MAPK14: variants seen among roughly 807,000 people sequenced by gnomAD.
MAPK14 encodes CSAID-binding protein.
In MAPK14, 16 loss-of-function variants were observed where a neutral mutation model predicts 49.6. That is an observed-to-expected ratio of 0.32 (90% confidence interval 0.22 to 0.49). The LOEUF (loss-of-function observed/expected upper bound fraction) is 0.49. Ranked by LOEUF, MAPK14 falls within the 20% of genes least tolerant of loss-of-function variation. The pLI is 0.99. For missense variants in MAPK14, 200 were observed against 441.2 expected, an observed-to-expected ratio of 0.45 and a Z score of 4.90; for synonymous variants, 142 against 158.0, an observed-to-expected ratio of 0.90 and a Z score of 0.76.
rs200413703 is a variant in MAPK14, at chr6:36,108,578, G to A, written c.*131G>A. The A allele has an allele frequency of 4.7e-5, 32 of 674,932 alleles. 1 individual carries two copies. The highest frequency in any genetic ancestry group is 2.0e-4 in the Admixed American group (9 of 45,540). The allele number at this position is 674,932 out of a possible 1,614,324, so 41.8% of individuals were successfully genotyped here. On this transcript the variant is annotated 3_prime_UTR_variant, in exon 12 of 12. Transcript: ENST00000229794. ...CCATGGTGGAAGGGGGTGTGCGTGC[G>A]TGTGCGTGCGTGTTAGTGTGTGTGC...
chr6:36,108,565 G>GGGGTGTGCGT lies in MAPK14; in HGVS notation c.*120_*129dup. 2 of 826,692 alleles carry GGGGTGTGCGT rather than the reference G, an allele frequency of 2.4e-6. No homozygotes were observed. Among genetic ancestry groups the GGGGTGTGCGT allele is most frequent in the South Asian group, 2.8e-5 (2 of 71,634 alleles). The allele number at this position is 826,692 out of a possible 1,614,324, so 51.2% of individuals were successfully genotyped here. A position where few individuals can be genotyped will look rare whatever the true frequency, so the allele number is the denominator to read the frequency against. ...GCAGAGATTTCCTCCATGGTGGAAG[G>GGGGTGTGCGT]GGGTGTGCGTGCGTGTGCGTGCGTG... On this transcript the variant is annotated 3_prime_UTR_variant, in exon 12 of 12. Coordinates refer to ENST00000229794, the MANE Select transcript of MAPK14 (RefSeq NM_139012.3).
chr6:36,035,204 T>C (rs1000693783), intron 1 of MAPK14, among the ~76,000 whole-genome samples: 1 of 152,078 alleles, frequency 6.6e-6, no homozygotes, highest in Non-Finnish European at 1.5e-5. Flanking sequence ...GCAGTTCTGC[T>C]GGGATTACAG....
At chr6:36,097,634 TC>T (rs1765488806) in intron 9 of MAPK14, 1 of 152,178 alleles carries the variant, frequency 6.6e-6, no homozygotes, top group South Asian at 2.1e-4. Flanking sequence ...AGTCTTCTCT[TC>T]CATCCCAACC....
chr6:36,087,853 C>A (rs1336112744), intron 8 of MAPK14, among the ~76,000 whole-genome samples: 1 of 152,056 alleles, frequency 6.6e-6, no homozygotes, highest in Non-Finnish European at 1.5e-5. Flanking sequence ...AAAGAACAAA[C>A]CTGGAGGCAT....
chr6:36,068,435 A>G (rs1000818343), intron 3 of MAPK14, among the ~76,000 whole-genome samples: 4 of 152,174 alleles, frequency 2.6e-5, no homozygotes, highest in African/African-American at 4.8e-5. Context: ...TTTTATTTCT[A>G]AAGAAACACT....
the MAPK14 span, among the ~76,000 whole-genome samples, chr6:36,122,186 A>G: frequency 6.6e-6 from 1 of 152,206 alleles, no homozygotes; most frequent in Non-Finnish European, 1.5e-5. Context: ...GGGAGGATCT[A>G]TGTGTCCTGA....
intron 8 of MAPK14, among the ~76,000 whole-genome samples, chr6:36,094,391 G>C (rs769908433): frequency 6.6e-6 from 1 of 152,196 alleles, no homozygotes; most frequent in Non-Finnish European, 1.5e-5. Flanking sequence ...AACACCTATA[G>C]ACTGTACATA....
At chr6:36,068,549 A>G (rs189219491) in intron 3 of MAPK14, among the ~76,000 whole-genome samples, 42 of 152,144 alleles carry the variant, frequency 2.8e-4, no homozygotes, top group Non-Finnish European at 5.7e-4. Context: ...TGTTTTAAGC[A>G]CCCTGTTTAA....
chr6:36,029,503 C>T (rs528446253), intron 1 of MAPK14, among the ~76,000 whole-genome samples: 1 of 152,088 alleles, frequency 6.6e-6, no homozygotes, highest in South Asian at 2.1e-4. Flanking sequence ...TAACTGTTAG[C>T]TTTTTCTGTG....
At chr6:36,036,804 G>C (rs1211608865) in intron 1 of MAPK14, among the ~76,000 whole-genome samples, 1 of 152,070 alleles carries the variant, frequency 6.6e-6, no homozygotes, top group Non-Finnish European at 1.5e-5. Context: ...GCAGTGGCAC[G>C]ATCTTGGCTC....
chr6:36,113,731 GAAGAA>G (rs1766014326), downstream of MAPK14, among the ~76,000 whole-genome samples: 1 of 152,214 alleles, frequency 6.6e-6, no homozygotes, highest in African/African-American at 2.4e-5. Flanking sequence ...TTTGTGATCA[GAAGAA>G]ACCTTTTCTT....
At chr6:36,050,103 A>G (rs1008582802) in intron 1 of MAPK14, among the ~76,000 whole-genome samples, 5 of 152,358 alleles carry the variant, frequency 3.3e-5, no homozygotes, top group East Asian at 3.9e-4. Flanking sequence ...GAAACTAAGA[A>G]TGAAAATCTG....
chr6:36,069,707 C>CCT (rs147836715), intron 3 of MAPK14, among the ~76,000 whole-genome samples: 2,915 of 148,182 alleles, frequency 0.02, 75 homozygotes, highest in African/African-American at 0.061. Flanking sequence ...AAGCTCTTTC[C>CCT]CTCTCTCTCT....
downstream of MAPK14, among the ~76,000 whole-genome samples, chr6:36,113,343 T>TA (rs35876911): frequency 0.16 from 11,784 of 71,732 alleles, 1,141 homozygotes; most frequent in East Asian, 0.49. Context: ...CCCTGTCTCA[T>TA]AAAAAAAAAA....
At chr6:36,066,865 AC>A (rs1764082339) in intron 3 of MAPK14, among the ~76,000 whole-genome samples, 1 of 152,074 alleles carries the variant, frequency 6.6e-6, no homozygotes, top group African/African-American at 2.4e-5. Context: ...GCTTGGACTT[AC>A]AGGTTATTTC....
chr6:36,105,711 C>T (rs1319606661), intron 10 of MAPK14, among the ~76,000 whole-genome samples: 1 of 152,180 alleles, frequency 6.6e-6, no homozygotes, highest in African/African-American at 2.4e-5. Context: ...CTCTGGAATT[C>T]AAGCTGTAGG....
In MAPK14 at chr6:36,108,800, A is replaced by G. The variant is rs202024422; in HGVS notation, c.*353A>G. The G allele has an allele frequency of 3.3e-5, 8 of 242,334 alleles. No homozygotes were observed. The highest frequency in any genetic ancestry group is 2.5e-5 in the Non-Finnish European group (3 of 121,168). 15.0% of individuals were successfully genotyped at this position (242,334 alleles called of 1,614,324 possible). On this transcript the variant is annotated 3_prime_UTR_variant, in exon 12 of 12. Coordinates refer to ENST00000229794, the MANE Select transcript of MAPK14 (RefSeq NM_139012.3). ...AGTAAAAAAATATGAATTGTCCCCAATCCCGGTCATGCTTTTGCCACTTTG... is the reference window on the plus strand; with the variant it reads ...AGTAAAAAAATATGAATTGTCCCCAGTCCCGGTCATGCTTTTGCCACTTTG...
intron 1 of MAPK14, among the ~76,000 whole-genome samples, chr6:36,029,412 CTT>C (rs1204682677): frequency 6.6e-6 from 1 of 152,200 alleles, no homozygotes; most frequent in Non-Finnish European, 1.5e-5. Context: ...TAACTGCTCT[CTT>C]AACTTCCAAG....
In MAPK14 at chr6:36,107,148, T is replaced by C. The variant is rs917369549; in HGVS notation, c.842-307T>C. On this transcript the variant is annotated intron_variant, in intron 10 of 11. Transcript: ENST00000229794. The surrounding 1 kb of genome is among the most constrained non-coding windows in gnomAD (Gnocchi z 4.3). ...TCGGGTACAATGTTCACTATTTGGT[T>C]AATGGGCACGCTAGAAGCCCAGTCC... 6.6e-5 allele frequency among the ~76,000 whole-genome samples: 10 copies of C among 152,154 alleles called. No homozygotes were observed. Among genetic ancestry groups the C allele is most frequent in the Non-Finnish European group, 1.2e-4 (8 of 68,028 alleles).
Sources: gnomAD v4.1 joint callset for allele counts (sites outside exome capture counted in the v4.1 genomes callset) on GRCh38, gnomAD v4.1.1 for gene constraint, Gnocchi (gnomAD v3.1) non-coding constraint, MANE v1.5 for transcripts, NCBI Gene and HGNC (gene_info 2026-07-23, HGNC 2026-07-21) for gene names.